Variants in PA2G4 observed in about 807,000 individuals in gnomAD.
PA2G4 encodes the protein proliferation-associated protein 2G4.
PA2G4 carries 8 observed loss-of-function variants against 53.3 expected under a neutral mutation model. The ratio of observed to expected loss-of-function variants is 0.15; its 90% CI spans 0.09 to 0.27. PA2G4 has a LOEUF of 0.27. Among genes scored for constraint, PA2G4 ranks in the 10% least tolerant of loss-of-function variants. The probability of loss-of-function intolerance (pLI) is 1.00; values close to 1 mark genes in which losing one functional copy is unlikely to be tolerated. For missense variants in PA2G4, 208 were observed against 486.8 expected, an observed-to-expected ratio of 0.43 and a Z score of 5.39; for synonymous variants, 143 against 169.8, an observed-to-expected ratio of 0.84 and a Z score of 1.23.
At chr12:56,110,500 CAA>C in intron 8 of PA2G4, 23 bp downstream of exon 8, 1 of 1,613,568 alleles carries the variant, frequency 6.2e-7, no homozygotes, top group Non-Finnish European at 8.5e-7. Flanking sequence ...CCAGAGTTGG[CAA>C]AGAGGGGTGA....
intron 5 of PA2G4, among the ~76,000 whole-genome samples, chr12:56,108,266 A>G (rs922569508): frequency 1.8e-4 from 28 of 152,216 alleles, no homozygotes; most frequent in African/African-American, 6.5e-4. Flanking sequence ...TTTATGACCA[A>G]GTTCTTTCAC....
intron 11 of PA2G4, 79 bp from the exon 12 acceptor site, chr12:56,111,397 T>G: frequency 6.2e-7 from 1 of 1,602,466 alleles, no homozygotes; most frequent in Non-Finnish European, 8.5e-7. Flanking sequence ...TGAAAAGAGC[T>G]GCAGTACTGA....
Position 56,104,714 on chromosome 12 carries a change from G to C in PA2G4, c.-24G>C, listed in dbSNP as rs991911896. 44 of 1,606,732 alleles carry C rather than the reference G, an allele frequency of 2.7e-5. No homozygotes were observed. The highest frequency in any genetic ancestry group is 3.7e-5 in the Non-Finnish European group (43 of 1,173,564). Reference sequence around the variant, plus strand: ...GGCGGCGGCGGCTCAGGGGAAACGAGGCTGCAGTGGTGGTAGTAGGAAGAT... The same window carrying C: ...GGCGGCGGCGGCTCAGGGGAAACGACGCTGCAGTGGTGGTAGTAGGAAGAT... On this transcript the variant is annotated 5_prime_UTR_variant, in exon 1 of 13. Coordinates refer to ENST00000303305, the MANE Select transcript of PA2G4 (RefSeq NM_006191.3).
rs541824409 is a variant in PA2G4 at position 56,108,060 on chromosome 12, C to T, written c.486+447C>T. Among the ~76,000 whole-genome samples, 5 of 152,166 alleles carry T rather than the reference C, an allele frequency of 3.3e-5. No individual in the cohort carries two copies. The South Asian group carries it at 1.0e-3, about 32-fold the overall frequency. ...AAAAGGAAAAATAAGCATTTGCTGT[C>T]CCCACAAAACAGATTAGAATGCCAG... is the stretch of plus-strand genomic sequence containing the variant. On this transcript the variant is annotated intron_variant, in intron 5 of 12. Transcript: ENST00000303305.
chr12:56,109,186 T>C (rs529610048), intron 5 of PA2G4, 44 bp from the exon 6 acceptor site: 31 of 1,331,984 alleles, frequency 2.3e-5, no homozygotes, highest in Admixed American at 1.5e-4. Context: ...AGAGAACTTA[T>C]TAGCTCCTGA....
intron 12 of PA2G4, among the ~76,000 whole-genome samples, 156 bp from the exon 13 acceptor site, chr12:56,112,667 G>A (rs554132288): frequency 6.6e-6 from 1 of 152,124 alleles, no homozygotes; most frequent in Admixed American, 6.5e-5. Flanking sequence ...GAGGTGAGAG[G>A]ATCACCTGAG....
At chr12:56,110,918 T>C in intron 9 of PA2G4, 46 bp from the exon 10 acceptor site, 15 of 1,553,172 alleles carry the variant, frequency 9.7e-6, no homozygotes, top group Non-Finnish European at 1.3e-5. Context: ...ATGGTAAGAC[T>C]TGATGGGGAG....
chr12:56,109,629 CAAAAAAA>C (rs34060703), intron 6 of PA2G4, among the ~76,000 whole-genome samples: 1 of 84,850 alleles, frequency 1.2e-5, no homozygotes, highest in African/African-American at 3.7e-5. Flanking sequence ...TCCTCCATCT[CAAAAAAA>C]AAAAAAAAAA....
chr12:56,111,592 G>C, intron 12 of PA2G4, 63 bp downstream of exon 12: 1 of 1,435,814 alleles, frequency 7.0e-7, no homozygotes, highest in Non-Finnish European at 9.7e-7. Flanking sequence ...CTCCCACTGT[G>C]TTAAGTTGTA....
intron 7 of PA2G4, 69 bp downstream of exon 7, chr12:56,110,004 C>G (rs1374113283): frequency 1.9e-6 from 2 of 1,060,686 alleles, no homozygotes; most frequent in East Asian, 4.7e-5. Context: ...TCTATACTCC[C>G]AACTGAATCT....
Position 56,104,730 on chromosome 12 carries a change from G to T in PA2G4, c.-8G>T, listed in dbSNP as rs777910165. ...GGGAAACGAGGCTGCAGTGGTGGTA[G>T]TAGGAAGATGTCGGGCGAGGACGAG... On this transcript the variant is annotated 5_prime_UTR_variant, in exon 1 of 13. Transcript: ENST00000303305. The T allele has an allele frequency of 8.1e-5, 131 of 1,613,248 alleles. No homozygotes were observed. The highest frequency in any genetic ancestry group is 1.0e-4 in the Non-Finnish European group (119 of 1,179,506).
At chr12:56,110,085 G>A (rs1592236143) in intron 7 of PA2G4, 150 bp downstream of exon 7, 5 of 683,092 alleles carry the variant, frequency 7.3e-6, no homozygotes, top group East Asian at 2.7e-5. Flanking sequence ...TAGGCCGGGC[G>A]CGGTGGCTCA....
chr12:56,107,498 T>A (rs1275273814), intron 4 of PA2G4, 23 bp from the exon 5 acceptor site: 1 of 1,544,432 alleles, frequency 6.5e-7, no homozygotes, highest in Admixed American at 1.7e-5. Context: ...AGGAAGATAC[T>A]GATTGCATGT....
chr12:56,104,685 CAG>C lies in PA2G4; in HGVS notation c.-50_-49del, dbSNP rs767837033. ...CACAGCCTGTGGCTGGGAAGGGAGACAGAGGCGGCGGCGGCTCAGGGGAAACG... is the reference window on the plus strand; with the variant it reads ...CACAGCCTGTGGCTGGGAAGGGAGACAGGCGGCGGCGGCTCAGGGGAAACG... On this transcript the variant is annotated 5_prime_UTR_variant, in exon 1 of 13. Transcript: ENST00000303305. 1.3e-6 allele frequency: 2 copies of C among 1,491,376 alleles called. No individual in the cohort carries two copies. Among genetic ancestry groups the C allele is most frequent in the Admixed American group, 3.3e-5 (2 of 59,876 alleles). 92.4% of individuals were successfully genotyped at this position (1,491,376 alleles called of 1,614,324 possible). A position where few individuals can be genotyped will look rare whatever the true frequency, so the allele number is the denominator to read the frequency against.
chr12:56,109,317 G>C (rs201107092), intron 6 of PA2G4, 24 bp downstream of exon 6: 6 of 1,590,252 alleles, frequency 3.8e-6, no homozygotes, highest in Middle Eastern at 2.2e-4. Context: ...ACAGGGTTGA[G>C]GGTCTAAGAA....
At chr12:56,109,092 C>G in intron 5 of PA2G4, 138 bp from the exon 6 acceptor site, 1 of 500,142 alleles carries the variant, frequency 2.0e-6, no homozygotes, top group Non-Finnish European at 3.6e-6. Context: ...CGCCACTGCA[C>G]TCCAGCCTGG....
intron 7 of PA2G4, 39 bp from the exon 8 acceptor site, chr12:56,110,360 A>C (rs752325509): frequency 5.5e-5 from 13 of 238,192 alleles, no homozygotes; most frequent in Non-Finnish European, 7.7e-5. Flanking sequence ...ACTCTGTGTC[A>C]AAAAAAAAAA....
chr12:56,110,883 G>T (rs1869406814), intron 9 of PA2G4, 81 bp from the exon 10 acceptor site: 11 of 1,403,956 alleles, frequency 7.8e-6, no homozygotes, highest in Non-Finnish European at 1.1e-5. Context: ...CCTGAGGGTA[G>T]GAGCTATTTT....
chr12:56,107,731 A>T (rs989101257), intron 5 of PA2G4, 118 bp downstream of exon 5: 11 of 642,864 alleles, frequency 1.7e-5, no homozygotes, highest in Admixed American at 8.1e-5. Context: ...ACAGCTTTTT[A>T]AAATTAGCTA....
Sources: gnomAD v4.1 joint callset for allele counts (sites outside exome capture counted in the v4.1 genomes callset) on GRCh38, gnomAD v4.1.1 for gene constraint, MANE v1.5 for transcripts, NCBI Gene and HGNC (gene_info 2026-07-23, HGNC 2026-07-21) for gene names.